Variants in ABCB10 observed in about 807,000 individuals in gnomAD.
ABCB10 encodes ATP binding cassette subfamily B member 10.
In ABCB10, 54 loss-of-function variants were observed where a neutral mutation model predicts 65.4. The ratio of observed to expected loss-of-function variants is 0.83; its 90% CI spans 0.66 to 1.04. ABCB10 has a LOEUF of 1.04. Ranked by LOEUF, ABCB10 falls within the 50% of genes least tolerant of loss-of-function variation. The pLI is 0.00. For missense variants in ABCB10, 846 were observed against 976.6 expected, an observed-to-expected ratio of 0.87 and a Z score of 1.78; for synonymous variants, 418 against 406.5, an observed-to-expected ratio of 1.03 and a Z score of -0.34.
chr1:229,535,383 A>G (rs1662694925), intron 6 of ABCB10, among the ~76,000 whole-genome samples: 1 of 152,214 alleles, frequency 6.6e-6, no homozygotes, highest in Admixed American at 6.5e-5. Flanking sequence ...ACACAATGGA[A>G]TATTATTCAG....
intron 1 of ABCB10, among the ~76,000 whole-genome samples, chr1:229,554,213 G>A (rs1252262898): frequency 1.3e-5 from 2 of 152,132 alleles, no homozygotes; most frequent in African/African-American, 4.8e-5. Flanking sequence ...GAAGAGACTC[G>A]GCATCTGCGC....
At chr1:229,547,248 T>A (rs768562193) in intron 3 of ABCB10, among the ~76,000 whole-genome samples, 29 of 152,152 alleles carry the variant, frequency 1.9e-4, no homozygotes, top group Admixed American at 3.3e-4. Flanking sequence ...GGTACACACA[T>A]CTCAGAATAC....
intron 3 of ABCB10, among the ~76,000 whole-genome samples, chr1:229,544,720 G>T (rs1045266346): frequency 1.3e-5 from 2 of 152,210 alleles, no homozygotes; most frequent in African/African-American, 4.8e-5. Context: ...TGTATTTGGA[G>T]ATGGGGCCTC....
Position 229,525,937 on chromosome 1 carries a change from T to C in ABCB10, c.1905A>G (p.Ser635=). ...CTACAAAGCAGTAAAGAAATGCACC[T>C]GAGAGGAGAACACCCTTTTCTCCAA... is the stretch of plus-strand genomic sequence containing the variant. The part of the protein sequence containing the change: ...TVVGEKGVLL[S]GGQKQRIAIA... Residue 635 remains serine (S), a splice_region_variant and synonymous_variant, in exon 10 of 13, where the codon TCA becomes TCG. Coordinates refer to ENST00000344517, the MANE Select transcript of ABCB10 (RefSeq NM_012089.3). 1 of 1,611,584 alleles carries C rather than the reference T, an allele frequency of 6.2e-7. No individual in the cohort carries two copies. Among genetic ancestry groups the C allele is most frequent in the Non-Finnish European group, 8.5e-7 (1 of 1,178,860 alleles).
At chr1:229,522,139 G>A (rs1368527346) in intron 10 of ABCB10, among the ~76,000 whole-genome samples, 3 of 152,070 alleles carry the variant, frequency 2.0e-5, no homozygotes, top group East Asian at 3.9e-4. Flanking sequence ...GATTATAGGC[G>A]GGAGCCACAG....
intron 1 of ABCB10, among the ~76,000 whole-genome samples, chr1:229,556,936 C>T (rs940542936): frequency 6.6e-6 from 1 of 152,158 alleles, no homozygotes; most frequent in African/African-American, 2.4e-5. Flanking sequence ...GCTCAAAGTC[C>T]AGTGAGAGCT....
chr1:229,530,335 A>G lies in ABCB10; in HGVS notation c.1509T>C (p.Ala503=), dbSNP rs775191860. 63 of 1,614,108 alleles carry G rather than the reference A, an allele frequency of 3.9e-5. No individual in the cohort carries two copies. The highest frequency in any genetic ancestry group is 5.2e-5 in the Non-Finnish European group (61 of 1,180,050). ...CCTGAAATATGGGCACCTCTGGGCG[A>G]GCTGGATAGGCAAAATGCACGTTCT... ...EFKNVHFAYP[A]RPEVPIFQDF... The change falls in exon 8 of 13, where the codon GCT becomes GCC. Residue 503 remains alanine, a synonymous_variant. Coordinates refer to ENST00000344517, the MANE Select transcript of ABCB10 (RefSeq NM_012089.3).
chr1:229,519,597 G>T (rs981717058), intron 11 of ABCB10, among the ~76,000 whole-genome samples: 3 of 152,164 alleles, frequency 2.0e-5, no homozygotes, highest in Admixed American at 2.0e-4. Context: ...GGACTAGCCT[G>T]GCCAACATGG....
In ABCB10 at chr1:229,527,311, T is replaced by A. The variant is rs775943190; in HGVS notation, c.1646-3A>T. 1 of 1,471,836 alleles carries A rather than the reference T, an allele frequency of 6.8e-7. No homozygotes were observed. Among genetic ancestry groups the A allele is most frequent in the South Asian group, 1.2e-5 (1 of 86,386 alleles). The allele number at this position is 1,471,836 out of a possible 1,614,324, so 91.2% of individuals were successfully genotyped here. A position where few individuals can be genotyped will look rare whatever the true frequency, so the allele number is the denominator to read the frequency against. On this transcript the variant is annotated splice_region_variant and splice_polypyrimidine_tract_variant and intron_variant, in intron 8 of 12. Transcript: ENST00000344517. ...ATGGCCATCAAGACTAATAGTTCCTTGTTGAGAGGAAAGGAAAGGAAAGAG... is the reference window on the plus strand; with the variant it reads ...ATGGCCATCAAGACTAATAGTTCCTAGTTGAGAGGAAAGGAAAGGAAAGAG...
chr1:229,545,605 T>C (rs192926603), intron 3 of ABCB10, among the ~76,000 whole-genome samples: 1 of 152,346 alleles, frequency 6.6e-6, no homozygotes, highest in East Asian at 1.9e-4. Context: ...AAAACTTGAG[T>C]ATGTCAAACT....
chr1:229,543,270 T>C (rs1662894826), intron 3 of ABCB10, among the ~76,000 whole-genome samples: 1 of 152,056 alleles, frequency 6.6e-6, no homozygotes, highest in African/African-American at 2.4e-5. Flanking sequence ...CTGGGCTCAA[T>C]ATACTGAGGA....
At chr1:229,548,528 G>A (rs370260867) in intron 2 of ABCB10, among the ~76,000 whole-genome samples, 85 of 152,256 alleles carry the variant, frequency 5.6e-4, no homozygotes, top group African/African-American at 1.9e-3. Flanking sequence ...CCTCTTCAGA[G>A]AAATACTAAC....
intron 11 of ABCB10, 189 bp from the exon 12 acceptor site, chr1:229,519,064 C>T: frequency 4.4e-6 from 2 of 457,592 alleles, no homozygotes; most frequent in South Asian, 7.0e-5. Context: ...GAAATGTCCA[C>T]AACAGGCACT....
At position 229,542,228 on chromosome 1, in the gene ABCB10, G is replaced by A. The variant is rs1412900048; in HGVS notation, c.1056+9C>T. 6.2e-7 allele frequency: 1 copy of A among 1,613,228 alleles called. No homozygotes were observed. The highest frequency in any genetic ancestry group is 1.3e-5 in the African/African-American group (1 of 74,816). On this transcript the variant is annotated intron_variant, in intron 4 of 12. Coordinates refer to ENST00000344517, the MANE Select transcript of ABCB10 (RefSeq NM_012089.3). The stretch of plus-strand genomic sequence containing the variant: ...GCTGGAAACCACGCGGACAGGAAGG[G>A]GCCTTTACCTGAGTGGCTTGTGCCA...
intron 1 of ABCB10, among the ~76,000 whole-genome samples, chr1:229,551,510 G>C (rs1663115028): frequency 6.6e-6 from 1 of 152,196 alleles, no homozygotes; most frequent in Non-Finnish European, 1.5e-5. Flanking sequence ...TTTGGCAATG[G>C]AAGCAATAAC....
chr1:229,532,890 A>G (rs1662617967), intron 6 of ABCB10, among the ~76,000 whole-genome samples: 1 of 152,208 alleles, frequency 6.6e-6, no homozygotes, highest in Non-Finnish European at 1.5e-5. Flanking sequence ...CTGTCTCAAA[A>G]CAAAAAACAA....
In ABCB10 at chr1:229,558,575, T is replaced by C. The variant is rs1427317583; in HGVS notation, c.78A>G (p.Val26=). The C allele has an allele frequency of 4.8e-6, 7 of 1,444,812 alleles. No individual in the cohort carries two copies. In the South Asian group the frequency reaches 9.1e-5, roughly 19 times the overall value. The allele number at this position is 1,444,812 out of a possible 1,614,324, so 89.5% of individuals were successfully genotyped here. Residue 26 remains valine (V), a synonymous_variant, in exon 1 of 13, where the codon GTA becomes GTG. Transcript: ENST00000344517. ...GGCTGGCCGCGGCCCACACGCAGGC[T>C]ACCGGCAGGAGCCGACCTGGCTCGG... ...SPAEPGRLLP[V]ACVWAAASRV...
chr1:229,530,305 G>C lies in ABCB10; in HGVS notation c.1539C>G (p.Phe513Leu), dbSNP rs770236956. 5.0e-6 allele frequency: 8 copies of C among 1,614,060 alleles called. No homozygotes were observed. Among genetic ancestry groups the C allele is most frequent in the Non-Finnish European group, 6.8e-6 (8 of 1,180,026 alleles). The change falls in exon 8 of 13, where the codon TTC becomes TTG. Residue 513 changes from phenylalanine to leucine, a missense_variant. This residue lies in a region of ABCB10 where 632 missense variants were observed against 803.2 expected (regional missense o/e 0.79). Transcript: ENST00000344517. The part of the protein sequence containing the change: ...ARPEVPIFQD[F>L]SLSIPSGSVT... Reference sequence around the variant, plus strand: ...CAGATCCTGACGGAATGGAAAGGCTGAAATCCTGAAATATGGGCACCTCTG... The same window carrying C: ...CAGATCCTGACGGAATGGAAAGGCTCAAATCCTGAAATATGGGCACCTCTG...
chr1:229,518,354 T>A lies in ABCB10; in HGVS notation c.2042A>T (p.Asp681Val). 3 of 1,614,214 alleles carry A rather than the reference T, an allele frequency of 1.9e-6. No individual in the cohort carries two copies. The highest frequency in any genetic ancestry group is 2.5e-6 in the Non-Finnish European group (3 of 1,180,034). The change falls in exon 13 of 13, where the codon GAT becomes GTT. Residue 681 changes from aspartate to valine, a missense_variant. By Grantham distance (152) the Asp-to-Val change is radical. Transcript: ENST00000344517. The stretch of plus-strand genomic sequence containing the variant: ...GGCAATAACTAACACCGTTCTTCCA[T>A]CCATCAGTCGATCTAGAGCTTCTTG... Reference protein sequence around the residue: ...LVQEALDRLMDGRTVLVIAHR... With the variant: ...LVQEALDRLMVGRTVLVIAHR...
Sources: allele counts gnomAD v4.1 joint callset (sites outside exome capture counted in the v4.1 genomes callset), GRCh38; gene constraint gnomAD v4.1.1; regional missense constraint gnomAD v4.1.1; transcripts MANE v1.5; gene names NCBI Gene and HGNC (gene_info 2026-07-23, HGNC 2026-07-21).